Variants in SLC16A2 observed in about 807,000 individuals in gnomAD.
SLC16A2 encodes the protein monocarboxylate transporter 8.
In SLC16A2, 3 loss-of-function variants were observed where a neutral mutation model predicts 27.2. That is an observed-to-expected ratio of 0.11 (90% CI 0.05 to 0.28). The LOEUF (loss-of-function observed/expected upper bound fraction) is 0.28, where lower values mean the gene tolerates loss of function less well. Among genes scored for constraint, SLC16A2 ranks in the 10% least tolerant of loss-of-function variants. The probability of loss-of-function intolerance (pLI) is 1.00; values close to 1 mark genes in which losing one functional copy is unlikely to be tolerated. For synonymous variants in SLC16A2, 202 were observed against 187.8 expected, an observed-to-expected ratio of 1.08 and a Z score of -0.62; for missense variants, 295 against 458.5, an observed-to-expected ratio of 0.64 and a Z score of 3.26.
intron 1 of SLC16A2, among the ~76,000 whole-genome samples, chrX:74,480,100 G>A (rs1465530887): frequency 8.9e-6 from 1 of 112,340 alleles, no homozygotes; most frequent in Non-Finnish European, 1.9e-5. Flanking sequence ...ACAGAGGCAG[G>A]CAGGCCTCCT....
intron 1 of SLC16A2, among the ~76,000 whole-genome samples, chrX:74,444,418 T>C (rs767033903): frequency 6.4e-5 from 7 of 109,997 alleles, no homozygotes; most frequent in Admixed American, 9.7e-5. Context: ...CTGGCTGTCC[T>C]GGCACCATAT....
chrX:74,430,082 T>C (rs1602103583), intron 1 of SLC16A2, among the ~76,000 whole-genome samples: 2 of 112,394 alleles, frequency 1.8e-5, no homozygotes, highest in South Asian at 7.3e-4. Flanking sequence ...GTAATAGTAA[T>C]AATAATTGCC....
chrX:74,442,568 A>G (rs1178741808), intron 1 of SLC16A2, among the ~76,000 whole-genome samples: 1 of 112,135 alleles, frequency 8.9e-6, no homozygotes, highest in Non-Finnish European at 1.9e-5. Context: ...TTGAGCATTT[A>G]CTATGTACCT....
intron 1 of SLC16A2, among the ~76,000 whole-genome samples, chrX:74,454,254 G>A (rs1467004928): frequency 2.7e-5 from 3 of 111,184 alleles, no homozygotes; most frequent in African/African-American, 9.8e-5. Flanking sequence ...TATAAAACAT[G>A]CTGCTATAAA....
rs1181007792 is a variant in SLC16A2, at chrX:74,529,395, C to G, written c.1353C>G (p.Leu451=). The G allele has an allele frequency of 8.4e-7, 1 of 1,193,395 alleles. No individual in the cohort carries two copies. Among genetic ancestry groups the G allele is most frequent in the South Asian group, 1.8e-5 (1 of 54,466 alleles). ...AGGCCTCACAGGCCATTGGCTACCT[C>G]CTGGGCATGATGGCCCTGCCAATGA... ...PMQASQAIGY[L]LGMMALPMIA... is the part of the protein sequence containing the mutation. The change falls in exon 5 of 6, where the codon CTC becomes CTG. Residue 451 remains leucine (L), a synonymous_variant. Coordinates refer to ENST00000587091, the MANE Select transcript of SLC16A2 (RefSeq NM_006517.5).
At chrX:74,524,884 T>G in intron 3 of SLC16A2, 75 bp downstream of exon 3, 2 of 914,809 alleles carry the variant, frequency 2.2e-6, no homozygotes, top group South Asian at 4.0e-5. Flanking sequence ...TTCCAGAGGG[T>G]GGGGGTGGGA....
rs764102165 is a variant in SLC16A2 at position 74,476,358 on chromosome X, GA to G, written c.431-44631del. ...CTGAGACTTTGCTGAAGTTGCTTAT[GA>G]GCTTAAGGAGATTTTGGTCTGAGAC... On this transcript the variant is annotated intron_variant, in intron 1 of 5. Coordinates refer to ENST00000587091, the MANE Select transcript of SLC16A2 (RefSeq NM_006517.5). 5.4e-5 allele frequency among the ~76,000 whole-genome samples: 6 copies of G among 112,088 alleles called. No homozygotes were observed. The South Asian group carries it at 1.5e-3, about 28-fold the overall frequency.
At chrX:74,485,018 A>G (rs1929689064) in intron 1 of SLC16A2, among the ~76,000 whole-genome samples, 1 of 111,296 alleles carries the variant, frequency 9.0e-6, no homozygotes, top group African/African-American at 3.3e-5. Context: ...GGAGTTCGAG[A>G]CCAGCCTGAC....
At chrX:74,469,787 G>C (rs1929320373) in intron 1 of SLC16A2, among the ~76,000 whole-genome samples, 1 of 110,821 alleles carries the variant, frequency 9.0e-6, no homozygotes, top group Non-Finnish European at 1.9e-5. Flanking sequence ...TCCTTCACCA[G>C]AATAGTACTT....
chrX:74,491,842 C>A (rs1466633465), intron 1 of SLC16A2, among the ~76,000 whole-genome samples: 1 of 112,404 alleles, frequency 8.9e-6, no homozygotes, highest in Non-Finnish European at 1.9e-5. Context: ...AAATGAATTT[C>A]GCCAGTTGCA....
chrX:74,494,159 CA>C (rs1162998850), intron 1 of SLC16A2, among the ~76,000 whole-genome samples: 3 of 112,348 alleles, frequency 2.7e-5, no homozygotes, highest in African/African-American at 9.7e-5. Flanking sequence ...ACTTTGGATA[CA>C]AGGCTTTTCT....
intron 1 of SLC16A2, among the ~76,000 whole-genome samples, chrX:74,487,613 T>C (rs944203849): frequency 8.9e-6 from 1 of 112,294 alleles, no homozygotes; most frequent in Non-Finnish European, 1.9e-5. Flanking sequence ...ATTTTGTCCT[T>C]AAAGTGTTTA....
intron 1 of SLC16A2, among the ~76,000 whole-genome samples, chrX:74,452,494 T>A (rs1928960819): frequency 9.0e-6 from 1 of 111,559 alleles, no homozygotes; most frequent in South Asian, 3.8e-4. Flanking sequence ...ATAAGCATTT[T>A]AAAAATAATA....
chrX:74,455,935 T>C (rs1425064023), intron 1 of SLC16A2, among the ~76,000 whole-genome samples: 1 of 112,075 alleles, frequency 8.9e-6, no homozygotes, highest in African/African-American at 3.2e-5. Flanking sequence ...CCTCTTTGAA[T>C]GGCACCCACT....
intron 1 of SLC16A2, among the ~76,000 whole-genome samples, chrX:74,460,429 AC>A (rs767666866): frequency 5.4e-5 from 6 of 111,614 alleles, no homozygotes; most frequent in Non-Finnish European, 1.1e-4. Context: ...GGTCAGACTT[AC>A]ATTGCAGTCT....
intron 1 of SLC16A2, among the ~76,000 whole-genome samples, chrX:74,502,752 T>C (rs919753335): frequency 3.6e-5 from 4 of 111,908 alleles, no homozygotes; most frequent in African/African-American, 6.5e-5. Context: ...CTGCTCTTCC[T>C]GTTCCCCACA....
At chrX:74,505,746 A>G (rs900492895) in intron 1 of SLC16A2, among the ~76,000 whole-genome samples, 5 of 112,173 alleles carry the variant, frequency 4.5e-5, no homozygotes, top group African/African-American at 9.7e-5. Flanking sequence ...CTAATGTTAA[A>G]CTACAGTGTA....
rs1289452037 is a variant in SLC16A2 at position 74,524,363 on chromosome X, C to T, written c.580C>T (p.Leu194=). 8.3e-7 allele frequency: 1 copy of T among 1,211,406 alleles called. No individual in the cohort carries two copies. The highest frequency in any genetic ancestry group is 3.0e-5 in the East Asian group (1 of 33,826). Reference sequence around the variant, plus strand: ...CTCTTGGTATTTCTCCCACAGCTCCCTAAGCCTGCGCTACTTCACCTACGG... The same window carrying T: ...CTCTTGGTATTTCTCCCACAGCTCCTTAAGCCTGCGCTACTTCACCTACGG... ...GLHTSSFTSS[L]SLRYFTYGIL... Residue 194 remains leucine (L), a synonymous_variant, in exon 3 of 6, where the codon CTA becomes TTA. Coordinates refer to ENST00000587091, the MANE Select transcript of SLC16A2 (RefSeq NM_006517.5).
chrX:74,518,901 C>T (rs1943163603), intron 1 of SLC16A2, among the ~76,000 whole-genome samples: 1 of 111,718 alleles, frequency 9.0e-6, no homozygotes, highest in South Asian at 3.7e-4. Context: ...TATGGCTTGC[C>T]TTTTCATTTT....
Sources: allele counts gnomAD v4.1 joint callset (sites outside exome capture counted in the v4.1 genomes callset), GRCh38; gene constraint gnomAD v4.1.1; transcripts MANE v1.5; gene names NCBI Gene and HGNC (gene_info 2026-07-23, HGNC 2026-07-21).